Variants in SUGP2 observed in about 807,000 individuals in gnomAD.
SUGP2 encodes the protein SURP and G-patch domain containing 2, also known as SURP and G-patch domain-containing protein 2.
A neutral mutation model predicts 90.5 loss-of-function variants in SUGP2; 24 were observed. The observed-to-expected ratio is 0.27, with a 90% CI of 0.19 to 0.37. SUGP2 has a LOEUF of 0.37. Among genes scored for constraint, SUGP2 ranks in the 10% least tolerant of loss-of-function variants. The pLI is 1.00. For missense variants in SUGP2, 1,233 were observed against 1,363.3 expected (o/e 0.90, Z 1.51); for synonymous variants, 473 against 513.4 (o/e 0.92, Z 1.06).
chr19:19,019,782 G>C (rs2058640371), intron 3 of SUGP2, among the ~76,000 whole-genome samples: 1 of 138,460 alleles, frequency 7.2e-6, no homozygotes, highest in Non-Finnish European at 1.6e-5. Context: ...AAAAAAACTT[G>C]TGTTTTGTAA....
intron 3 of SUGP2, among the ~76,000 whole-genome samples, chr19:19,023,242 G>C (rs2058795593): frequency 2.0e-5 from 3 of 152,192 alleles, no homozygotes; most frequent in African/African-American, 7.2e-5. Context: ...TACAGCTCAA[G>C]CACGACCTCT....
chr19:19,017,657 A>G (rs1473141671), intron 4 of SUGP2, among the ~76,000 whole-genome samples: 1 of 152,182 alleles, frequency 6.6e-6, no homozygotes. Context: ...CTGTAATCCC[A>G]GTTACTTGGG....
intron 5 of SUGP2, among the ~76,000 whole-genome samples, chr19:19,008,999 C>T (rs1253608709): frequency 6.6e-6 from 1 of 152,180 alleles, no homozygotes; most frequent in African/African-American, 2.4e-5. Context: ...GCAACCTCCG[C>T]CTCCCGGGTT....
intron 3 of SUGP2, among the ~76,000 whole-genome samples, chr19:19,021,978 C>A (rs1030571276): frequency 1.3e-5 from 2 of 151,878 alleles, no homozygotes; most frequent in Non-Finnish European, 2.9e-5. Context: ...TCCAGCACTT[C>A]TTTTTTTCTT....
chr19:18,994,627 CG>C, intron 9 of SUGP2, 141 bp from the exon 10 acceptor site: 1 of 1,208,992 alleles, frequency 8.3e-7, no homozygotes, highest in South Asian at 1.5e-5. Context: ...AAAATCAAGA[CG>C]CGACTCACAG....
intron 3 of SUGP2, among the ~76,000 whole-genome samples, chr19:19,021,947 G>A (rs900541644): frequency 6.6e-6 from 1 of 152,006 alleles, no homozygotes; most frequent in South Asian, 2.1e-4. Flanking sequence ...TTATAGCTGC[G>A]AACGACTGCA....
intron 3 of SUGP2, among the ~76,000 whole-genome samples, chr19:19,022,806 CTAGTGT>C (rs2058775601): frequency 6.6e-6 from 1 of 152,130 alleles, no homozygotes; most frequent in Non-Finnish European, 1.5e-5. Context: ...TGGGACCTAT[CTAGTGT>C]CTAGTGCTGT....
In SUGP2 at chr19:19,029,215, C is replaced by T. The variant is rs1599582653; in HGVS notation, c.121+1736G>A. Among the ~76,000 whole-genome samples, 4 of 151,598 alleles carry T rather than the reference C, an allele frequency of 2.6e-5. No homozygotes were observed. The East Asian group carries it at 7.7e-4, about 29-fold the overall frequency. On this transcript the variant is annotated intron_variant, in intron 2 of 10. Coordinates refer to ENST00000452918, the MANE Select transcript of SUGP2 (RefSeq NM_001017392.5). ...GGAGTGCAGTGGCACAACCTTGGCT[C>T]GCTGCAACCTCCGCCTCCTGGGTTC... is the stretch of plus-strand genomic sequence containing the variant.
At chr19:18,995,096 A>G in intron 9 of SUGP2, 48 bp downstream of exon 9, 1 of 1,596,062 alleles carries the variant, frequency 6.3e-7, no homozygotes, top group Non-Finnish European at 8.5e-7. Context: ...CTGCAGGTGG[A>G]AGGACTGAGG....
intron 1 of SUGP2, among the ~76,000 whole-genome samples, chr19:19,031,925 CT>C (rs1369807634): frequency 6.8e-6 from 1 of 148,086 alleles, no homozygotes; most frequent in South Asian, 2.1e-4. Flanking sequence ...TGTCTGGACT[CT>C]TTTAAGGGGG....
chr19:18,994,549 G>T lies in SUGP2; in HGVS notation c.3129-63C>A, dbSNP rs2057496401. 8 of 1,593,474 alleles carry T rather than the reference G, an allele frequency of 5.0e-6. No homozygotes were observed. In the East Asian group the frequency reaches 1.8e-4, roughly 36 times the overall value. On this transcript the variant is annotated intron_variant, in intron 9 of 10. Transcript: ENST00000452918. The stretch of plus-strand genomic sequence containing the variant: ...CCCAGGGCCTGGCATGCCAGGAACT[G>T]GGCATGGGCACAAACAGTCCATGAG...
At position 19,010,296 on chromosome 19, in the gene SUGP2, T is replaced by G; in HGVS notation, c.1897A>C (p.Lys633Gln). The change falls in exon 5 of 11, where the codon AAG (lysine) becomes CAG (glutamine). Residue 633 changes from lysine to glutamine, a missense_variant. Physicochemically the swap from Lys to Gln is moderately conservative, Grantham distance 53. Coordinates refer to ENST00000452918, the MANE Select transcript of SUGP2 (RefSeq NM_001017392.5). Reference sequence around the variant, plus strand: ...CTCATCCGCTGCATTTCTGCCAACTTCAGCTTGTAATATTTATACTCCAGA... The same window carrying G: ...CTCATCCGCTGCATTTCTGCCAACTGCAGCTTGTAATATTTATACTCCAGA... The part of the protein sequence containing the change: ...NSLEYKYYKL[K>Q]LAEMQRMSEN... 4 of 1,613,648 alleles carry G rather than the reference T, an allele frequency of 2.5e-6. No individual in the cohort carries two copies. The highest frequency in any genetic ancestry group is 3.4e-6 in the Non-Finnish European group (4 of 1,180,018).
intron 7 of SUGP2, 96 bp downstream of exon 7, chr19:19,004,072 T>C: frequency 1.0e-6 from 1 of 997,766 alleles, no homozygotes; most frequent in Non-Finnish European, 1.5e-6. Context: ...CAAAACTCTT[T>C]TGGATTAAAA....
rs763204139 is a variant in SUGP2, at chr19:19,025,580, G to A, written c.768C>T (p.Pro256=). 1 of 1,614,002 alleles carries A rather than the reference G, an allele frequency of 6.2e-7. No individual in the cohort carries two copies. ...TLRNVSTKKI[P]TVNRITPKTQ... ...TTTTGGGAGTAATACGATTCACGGT[G>A]GGTATTTTTTTTGTGCTCACATTTC... is the stretch of plus-strand genomic sequence containing the variant. Residue 256 remains proline, a synonymous_variant, in exon 3 of 11, where the codon CCC becomes CCT. Transcript: ENST00000452918.
chr19:18,994,573 A>T (rs781296357), intron 9 of SUGP2, 87 bp from the exon 10 acceptor site: 4 of 1,529,176 alleles, frequency 2.6e-6, no homozygotes, highest in Non-Finnish European at 3.5e-6. Context: ...ACAGTCCATG[A>T]GATGCAGGTG....
chr19:19,032,494 G>C (rs2059211061), intron 1 of SUGP2, among the ~76,000 whole-genome samples: 1 of 152,084 alleles, frequency 6.6e-6, no homozygotes, highest in Non-Finnish European at 1.5e-5. Context: ...AGACTCAGCA[G>C]GGCACAGAGG....
intron 4 of SUGP2, among the ~76,000 whole-genome samples, chr19:19,012,135 T>C (rs550547186): frequency 1.3e-5 from 2 of 152,204 alleles, no homozygotes; most frequent in East Asian, 3.8e-4. Flanking sequence ...TGTTAGCCAG[T>C]TGAGGTCTGT....
At chr19:19,027,117 C>T (rs999554636) in intron 2 of SUGP2, among the ~76,000 whole-genome samples, 4 of 151,926 alleles carry the variant, frequency 2.6e-5, no homozygotes, top group African/African-American at 9.7e-5. Flanking sequence ...CTATCTCTGT[C>T]AAAAATAAAA....
At chr19:19,019,868 C>T (rs1421308072) in intron 3 of SUGP2, among the ~76,000 whole-genome samples, 8 of 147,702 alleles carry the variant, frequency 5.4e-5, no homozygotes, top group Middle Eastern at 3.4e-3. Flanking sequence ...AAAGGTCAGC[C>T]GGGCACGGTG....
Sources: allele counts gnomAD v4.1 joint callset (sites outside exome capture counted in the v4.1 genomes callset), GRCh38; gene constraint gnomAD v4.1.1; transcripts MANE v1.5; gene names NCBI Gene and HGNC (gene_info 2026-07-23, HGNC 2026-07-21).